The following ACTN2 variants were observed in gnomAD, a reference collection of about 807,000 sequenced individuals.
ACTN2 encodes actinin alpha 2, also known as alpha-actinin-2.
In ACTN2, 39 loss-of-function variants were observed where a neutral mutation model predicts 113.8. That is an observed-to-expected ratio of 0.34 (90% CI 0.27 to 0.45). The LOEUF is 0.45. Ranked by LOEUF, ACTN2 falls within the 20% of genes least tolerant of loss-of-function variation. The pLI is 1.00. For synonymous variants in ACTN2, 429 were observed against 444.1 expected, an observed-to-expected ratio of 0.97 and a Z score of 0.43; for missense variants, 992 against 1,177.9, an observed-to-expected ratio of 0.84 and a Z score of 2.31.
Position 236,725,921 on chromosome 1 carries a change from C to T in ACTN2, c.449-12C>T, listed in dbSNP as rs781234609. ...TTTCCCTGGGGCCACTTTTTCTTGG[C>T]TGTCATTACAGAAACATCTGCCAAA... On this transcript the variant is annotated splice_polypyrimidine_tract_variant and intron_variant, in intron 4 of 20. Coordinates refer to ENST00000366578, the MANE Select transcript of ACTN2 (RefSeq NM_001103.4). The T allele has an allele frequency of 1.9e-6, 3 of 1,613,716 alleles. No homozygotes were observed. The South Asian group carries it at 3.3e-5, about 18-fold the overall frequency.
chr1:236,699,793 C>G (rs1205803216), intron 1 of ACTN2, among the ~76,000 whole-genome samples: 2 of 152,080 alleles, frequency 1.3e-5, no homozygotes, highest in Admixed American at 6.6e-5. Context: ...TACCCCAAAG[C>G]AGAGAGAATA....
chr1:236,731,347 G>A lies in ACTN2; in HGVS notation c.697+33G>A, dbSNP rs819640. 0.34 allele frequency: 536,906 copies of A among 1,557,376 alleles called. 98,023 individuals carry two copies. Among genetic ancestry groups the A allele is most frequent in the African/African-American group, 0.57 (41,963 of 73,948 alleles). ...GAAAATTGTGTTTGCTGAGTTACAG[G>A]AAATTTGAAGACTACAAATGTTATG... On this transcript the variant is annotated intron_variant, in intron 7 of 20. Transcript: ENST00000366578.
At position 236,751,481 on chromosome 1, in the gene ACTN2, T is replaced by G; in HGVS notation, c.1668T>G (p.Thr556=). 1 of 1,614,106 alleles carries G rather than the reference T, an allele frequency of 6.2e-7. No homozygotes were observed. Among genetic ancestry groups the G allele is most frequent in the Non-Finnish European group, 8.5e-7 (1 of 1,180,028 alleles). ...TGTCTCGGGTGTAGAGTCTGATCAC[T>G]GCGCATGAGCAGTTCAAGGCCACGC... ...HSIEEIQSLI[T]AHEQFKATLP... is the part of the protein sequence containing the mutation. The change falls in exon 15 of 21, where the codon ACT becomes ACG. Residue 556 remains threonine (T), a synonymous_variant. Transcript: ENST00000366578.
chr1:236,686,651 G>A lies in ACTN2; in HGVS notation c.-23G>A, dbSNP rs1462291315. On this transcript the variant is annotated 5_prime_UTR_variant, in exon 1 of 21. Transcript: ENST00000366578. ...GCGTCCGAGCCCCTCGCGCCCCGCCGCAGCCCCGGCCAACCGAGCGCCATG... is the reference window on the plus strand; with the variant it reads ...GCGTCCGAGCCCCTCGCGCCCCGCCACAGCCCCGGCCAACCGAGCGCCATG... The A allele has an allele frequency of 1.3e-6, 2 of 1,544,656 alleles. No individual in the cohort carries two copies. The highest frequency in any genetic ancestry group is 1.2e-5 in the South Asian group (1 of 85,046).
chr1:236,715,678 G>A (rs145226221), intron 1 of ACTN2, among the ~76,000 whole-genome samples: 49 of 152,226 alleles, frequency 3.2e-4, no homozygotes, highest in Admixed American at 8.5e-4. Flanking sequence ...GCTTAAGACC[G>A]AGTGTGGTGG....
At chr1:236,742,778 A>T in intron 10 of ACTN2, 118 bp from the exon 11 acceptor site, 1 of 1,337,430 alleles carries the variant, frequency 7.5e-7, no homozygotes, top group Non-Finnish European at 1.1e-6. Flanking sequence ...GGAAAAGAAA[A>T]CAAAAGGAAA....
chr1:236,744,826 A>G (rs774897899), intron 12 of ACTN2, 50 bp downstream of exon 12: 1 of 1,612,838 alleles, frequency 6.2e-7, no homozygotes, highest in East Asian at 2.2e-5. Context: ...GATTCCACAG[A>G]GAGGGGAGAG....
At chr1:236,713,241 T>C (rs200661548) in intron 1 of ACTN2, among the ~76,000 whole-genome samples, 1 of 148,098 alleles carries the variant, frequency 6.8e-6, no homozygotes, top group Non-Finnish European at 1.5e-5. Flanking sequence ...TTTTTTTTTC[T>C]TTTGAGACGG....
At chr1:236,751,779 A>T in intron 15 of ACTN2, 127 bp downstream of exon 15, 1 of 1,174,774 alleles carries the variant, frequency 8.5e-7, no homozygotes, top group Non-Finnish European at 1.2e-6. Context: ...ATTTTCCTTT[A>T]TCCCAAATTT....
Position 236,751,534 on chromosome 1 carries a change from CCAT to C in ACTN2, c.1725_1727del (p.Ile575del). On this transcript the variant is annotated inframe_deletion, in exon 15 of 21. Transcript: ENST00000366578. ...CCCGAGGCGGACGGAGAGCGGCAGT[CCAT>C]CATGGCCATCCAGAACGAGGTGGAG... is the stretch of plus-strand genomic sequence containing the variant. The C allele has an allele frequency of 6.2e-7, 1 of 1,614,132 alleles. No individual in the cohort carries two copies.
At chr1:236,742,455 G>A (rs978457354) in intron 10 of ACTN2, among the ~76,000 whole-genome samples, 21 of 152,166 alleles carry the variant, frequency 1.4e-4, no homozygotes, top group Middle Eastern at 3.4e-3. Flanking sequence ...CTGTAATCCC[G>A]GCTACAGGGG....
chr1:236,719,986 G>C, intron 3 of ACTN2, 119 bp from the exon 4 acceptor site: 1 of 725,034 alleles, frequency 1.4e-6, no homozygotes, highest in Non-Finnish European at 2.5e-6. Flanking sequence ...AACATAAACT[G>C]GTCTTTCCAT....
In ACTN2 at chr1:236,755,028, C is replaced by T. The variant is rs150021739; in HGVS notation, c.1984C>T (p.Arg662Trp). ...WIQNKMEEIA[R>W]SSIQITGALE... is the part of the protein sequence containing the mutation. ...CACTCGCCCCCCTCAGGAGATTGCCCGGAGCTCCATCCAGATCACAGGAGC... is the reference window on the plus strand; with the variant it reads ...CACTCGCCCCCCTCAGGAGATTGCCTGGAGCTCCATCCAGATCACAGGAGC... Residue 662 changes from arginine to tryptophan, a missense_variant, in exon 17 of 21, where the codon CGG (arginine) becomes TGG (tryptophan). Physicochemically the swap from Arg to Trp is moderately radical, Grantham distance 101 (BLOSUM62 -3). Transcript: ENST00000366578. 25 of 1,614,050 alleles carry T rather than the reference C, an allele frequency of 1.5e-5. No homozygotes were observed. The highest frequency in any genetic ancestry group is 9.9e-5 in the South Asian group (9 of 91,078).
At chr1:236,709,132 C>T (rs6672960) in intron 1 of ACTN2, among the ~76,000 whole-genome samples, 9,721 of 148,306 alleles carry the variant, frequency 0.066, 390 homozygotes, top group Middle Eastern at 0.13. Flanking sequence ...TCAGAACCAT[C>T]GTGATACAGG....
chr1:236,723,235 A>C (rs1374135083), intron 4 of ACTN2, among the ~76,000 whole-genome samples: 11 of 152,246 alleles, frequency 7.2e-5, no homozygotes, highest in Admixed American at 7.2e-4. Context: ...AAAGACAGGC[A>C]GAACAACTGG....
chr1:236,711,066 C>T (rs139891522), intron 1 of ACTN2, among the ~76,000 whole-genome samples: 24 of 152,338 alleles, frequency 1.6e-4, no homozygotes, highest in African/African-American at 3.6e-4. Context: ...CTCCAAGGCA[C>T]GGGAACGTGG....
intron 1 of ACTN2, among the ~76,000 whole-genome samples, chr1:236,694,907 A>G (rs1209555447): frequency 1.3e-5 from 2 of 151,926 alleles, no homozygotes; most frequent in African/African-American, 2.4e-5. Flanking sequence ...TCTACAAAAA[A>G]AATTTAAAAA....
At position 236,763,354 on chromosome 1, in the gene ACTN2, G is replaced by A. The variant is rs1307243868; in HGVS notation, c.*735G>A. On this transcript the variant is annotated 3_prime_UTR_variant, in exon 21 of 21. Transcript: ENST00000366578. The stretch of plus-strand genomic sequence containing the variant: ...CAGTTTAATTGCCAGAGAGAAGGAT[G>A]CAATCACTAGGTAAAATGAGGTTTT... 1 of 152,732 alleles carries A rather than the reference G, an allele frequency of 6.5e-6. No individual in the cohort carries two copies. The highest frequency in any genetic ancestry group is 1.5e-5 in the Non-Finnish European group (1 of 68,494). The allele number at this position is 152,732 out of a possible 1,614,324, so 9.5% of individuals were successfully genotyped here. A position where few individuals can be genotyped will look rare whatever the true frequency, so the allele number is the denominator to read the frequency against.
intron 1 of ACTN2, among the ~76,000 whole-genome samples, chr1:236,709,235 TATATATATATATATATATATAC>T (rs1424418328): frequency 1.2e-5 from 1 of 80,326 alleles, no homozygotes; most frequent in African/African-American, 3.7e-5. Context: ...TATATATATA[TATATATATATATATATATATAC>T]ACACACACAC....
Sources: gnomAD v4.1 joint callset for allele counts (sites outside exome capture counted in the v4.1 genomes callset) on GRCh38, gnomAD v4.1.1 for gene constraint, MANE v1.5 for transcripts, NCBI Gene and HGNC (gene_info 2026-07-23, HGNC 2026-07-21) for gene names.